The following WHAMM variants were observed in gnomAD, a reference collection of about 807,000 sequenced individuals.
The protein encoded by WHAMM is WASP homolog associated with actin, golgi membranes and microtubules.
A neutral mutation model predicts 76.5 loss-of-function variants in WHAMM; 67 were observed. The ratio of observed to expected loss-of-function variants is 0.88; its 90% confidence interval spans 0.72 to 1.07. The LOEUF is 1.07. Ranked by LOEUF, WHAMM falls within the 50% of genes least tolerant of loss-of-function variation. WHAMM has a pLI of 0.00. For synonymous variants in WHAMM, 419 were observed against 422.1 expected, an observed-to-expected ratio of 0.99 and a Z score of 0.09; for missense variants, 1,021 against 1,051.1, an observed-to-expected ratio of 0.97 and a Z score of 0.40.
In WHAMM at chr15:82,830,934, C is replaced by T; in HGVS notation, c.1977C>T (p.Leu659=). Residue 659 remains leucine, a synonymous_variant, in exon 9 of 10, where the codon CTC becomes CTT. Transcript: ENST00000286760. ...CACCGCCGCCCCCACCCCCTCCTCTCCGTGCTCTGTCCTCATCCTCTCAAG... is the reference window on the plus strand; with the variant it reads ...CACCGCCGCCCCCACCCCCTCCTCTTCGTGCTCTGTCCTCATCCTCTCAAG... The part of the protein sequence containing the change: ...PPPPPPPPPP[L]RALSSSSQAA... The T allele has an allele frequency of 2.6e-6, 4 of 1,539,562 alleles. No homozygotes were observed. The highest frequency in any genetic ancestry group is 1.1e-5 in the South Asian group (1 of 89,344).
At chr15:82,831,582 C>CT (rs2151574577) in intron 9 of WHAMM, among the ~76,000 whole-genome samples, 1 of 152,274 alleles carries the variant, frequency 6.6e-6, no homozygotes, top group East Asian at 1.9e-4. Flanking sequence ...ACTGAGGACC[C>CT]TTACTATTGG....
rs1351247772 is a variant in WHAMM at position 82,835,820 on chromosome 15, TC to T, written c.*2288del. On this transcript the variant is annotated 3_prime_UTR_variant, in exon 10 of 10. Transcript: ENST00000286760. ...CCAGTGGCTGTGGCCCAGGCCTCCTTCCCCACCACAGACAGGCCAGGCTCAG... is the reference window on the plus strand; with the variant it reads ...CCAGTGGCTGTGGCCCAGGCCTCCTTCCCACCACAGACAGGCCAGGCTCAG... 1 of 152,166 alleles carries T rather than the reference TC, an allele frequency of 6.6e-6. No homozygotes were observed. The highest frequency in any genetic ancestry group is 1.5e-5 in the Non-Finnish European group (1 of 68,030). The allele number at this position is 152,166 out of a possible 1,614,324, so 9.4% of individuals were successfully genotyped here.
intron 4 of WHAMM, 59 bp from the exon 5 acceptor site, chr15:82,819,264 G>A (rs575915649): frequency 3.1e-5 from 21 of 679,462 alleles, no homozygotes; most frequent in Middle Eastern, 4.7e-4. Context: ...TGCTTCTAAA[G>A]TTTGTTTTTA....
Position 82,833,366 on chromosome 15 carries a change from A to C in WHAMM, c.2260A>C (p.Lys754Gln). The C allele has an allele frequency of 6.2e-7, 1 of 1,614,026 alleles. No individual in the cohort carries two copies. Among genetic ancestry groups the C allele is most frequent in the Non-Finnish European group, 8.5e-7 (1 of 1,179,884 alleles). Residue 754 changes from lysine to glutamine, a missense_variant, in exon 10 of 10, where the codon AAG becomes CAG. Lys to Gln is a moderately conservative substitution (Grantham distance 53). Around this residue, in one of 3 missense-constraint regions of WHAMM, gnomAD observed 509 missense variants for 492.3 expected, o/e 1.03. Transcript: ENST00000286760. ...TGCCATAAGGCAAGGGGTCAAACTG[A>C]AGAAAGTTCACCCTGATCTTGGCCC... ...LAAIRQGVKL[K>Q]KVHPDLGPNP... is the part of the protein sequence containing the mutation.
intron 5 of WHAMM, among the ~76,000 whole-genome samples, chr15:82,820,285 T>A (rs1221709531): frequency 6.6e-6 from 1 of 152,192 alleles, no homozygotes; most frequent in Non-Finnish European, 1.5e-5. Flanking sequence ...TCTATTTCAG[T>A]GAATAATAAA....
At chr15:82,821,267 A>G (rs933797698) in intron 5 of WHAMM, among the ~76,000 whole-genome samples, 27 of 152,076 alleles carry the variant, frequency 1.8e-4, no homozygotes, top group African/African-American at 5.3e-4. Flanking sequence ...ACGTTTATCA[A>G]TTTTTTTCCC....
At chr15:82,829,580 T>C (rs2050993674) in intron 8 of WHAMM, among the ~76,000 whole-genome samples, 1 of 152,184 alleles carries the variant, frequency 6.6e-6, no homozygotes, top group African/African-American at 2.4e-5. Flanking sequence ...CTTGTCGCCA[T>C]GACATTGCTA....
Position 82,834,467 on chromosome 15 carries a change from A to G in WHAMM, c.*931A>G, listed in dbSNP as rs1398992758. ...AGTGTCGCTGGCCTAAGAGAAGAGC[A>G]CTTATTTCTCACCATGGCTGATCTA... On this transcript the variant is annotated 3_prime_UTR_variant, in exon 10 of 10. Coordinates refer to ENST00000286760, the MANE Select transcript of WHAMM (RefSeq NM_001080435.3). 2.0e-5 allele frequency: 3 copies of G among 152,662 alleles called. No individual in the cohort carries two copies. Among genetic ancestry groups the G allele is most frequent in the Non-Finnish European group, 4.4e-5 (3 of 68,054 alleles). 9.5% of individuals were successfully genotyped at this position (152,662 alleles called of 1,614,324 possible). A position where few individuals can be genotyped will look rare whatever the true frequency, so the allele number is the denominator to read the frequency against.
intron 3 of WHAMM, 32 bp downstream of exon 3, chr15:82,816,874 C>T: frequency 6.5e-7 from 1 of 1,534,212 alleles, no homozygotes; most frequent in South Asian, 1.2e-5. Context: ...TATGAAGATA[C>T]ATGTAATTGA....
intron 3 of WHAMM, among the ~76,000 whole-genome samples, 160 bp downstream of exon 3, chr15:82,817,002 A>G (rs2050738289): frequency 6.6e-6 from 1 of 152,172 alleles, no homozygotes; most frequent in Non-Finnish European, 1.5e-5. Flanking sequence ...GTGAAGGGAG[A>G]GAAATCTTAA....
chr15:82,832,336 T>TA (rs2051044238), intron 9 of WHAMM, among the ~76,000 whole-genome samples: 1 of 152,206 alleles, frequency 6.6e-6, no homozygotes, highest in Non-Finnish European at 1.5e-5. Context: ...AAAATAGCCT[T>TA]TTGTTAGCCA....
intron 9 of WHAMM, 120 bp from the exon 10 acceptor site, chr15:82,833,104 ATGAAG>A: frequency 3.5e-6 from 4 of 1,136,338 alleles, no homozygotes; most frequent in Non-Finnish European, 4.9e-6. Context: ...CATTTGCTTA[ATGAAG>A]TGATTATTTG....
chr15:82,812,164 G>A (rs890030041), intron 1 of WHAMM, among the ~76,000 whole-genome samples: 17 of 151,342 alleles, frequency 1.1e-4, no homozygotes, highest in African/African-American at 3.9e-4. Flanking sequence ...TATTAATCTG[G>A]GGCATTAAGA....
chr15:82,810,505 A>T, intron 1 of WHAMM, 170 bp downstream of exon 1: 4 of 985,414 alleles, frequency 4.1e-6, no homozygotes, highest in Non-Finnish European at 3.6e-6. Context: ...CGCTGCGGGA[A>T]ACCGGCGGGA....
In WHAMM at chr15:82,815,155, A is replaced by ATATATATATAT. The variant is rs55807384; in HGVS notation, c.784-1537_784-1536insTATATATATAT. ...TATATATATATATATATATATATAT[A>ATATATATATAT]GTACAATTCAGTGATTTTTAGTATA... On this transcript the variant is annotated intron_variant, in intron 2 of 9. Transcript: ENST00000286760. Among the ~76,000 whole-genome samples, 83 of 46,112 alleles carry ATATATATATAT rather than the reference A, an allele frequency of 1.8e-3. 1 individual carries two copies. The highest frequency in any genetic ancestry group is 2.1e-3 in the Non-Finnish European group (53 of 25,246). 30.3% of individuals were successfully genotyped at this position (46,112 alleles called of 152,430 possible).
At chr15:82,817,331 G>A (rs2050742856) in intron 3 of WHAMM, among the ~76,000 whole-genome samples, 2 of 152,206 alleles carry the variant, frequency 1.3e-5, no homozygotes, top group African/African-American at 4.8e-5. Flanking sequence ...TGTGGTATGA[G>A]GGAAAATGCT....
chr15:82,829,963 T>G (rs910923394), intron 8 of WHAMM, among the ~76,000 whole-genome samples: 2 of 152,210 alleles, frequency 1.3e-5, no homozygotes, highest in African/African-American at 4.8e-5. Context: ...ACTTTTTCAA[T>G]TTACATTTTT....
chr15:82,835,778 A>C lies in WHAMM; in HGVS notation c.*2242A>C, dbSNP rs559925571. 3.9e-5 allele frequency: 6 copies of C among 152,444 alleles called. No homozygotes were observed. Among genetic ancestry groups the C allele is most frequent in the African/African-American group, 1.2e-4 (5 of 41,594 alleles). 9.4% of individuals were successfully genotyped at this position (152,444 alleles called of 1,614,324 possible). A position where few individuals can be genotyped will look rare whatever the true frequency, so the allele number is the denominator to read the frequency against. On this transcript the variant is annotated 3_prime_UTR_variant, in exon 10 of 10. Coordinates refer to ENST00000286760, the MANE Select transcript of WHAMM (RefSeq NM_001080435.3). ...GGGCTACTCGCTGGGCATCAGGTCCAGATCCCAGAGACAGGTCCAGTGGCT... is the reference window on the plus strand; with the variant it reads ...GGGCTACTCGCTGGGCATCAGGTCCCGATCCCAGAGACAGGTCCAGTGGCT...
chr15:82,819,554 T>C, intron 5 of WHAMM, 66 bp downstream of exon 5: 1 of 852,764 alleles, frequency 1.2e-6, no homozygotes, highest in Non-Finnish European at 1.7e-6. Flanking sequence ...GACCATATTA[T>C]CAATTACTTT....
Sources: gnomAD v4.1 joint callset for allele counts (sites outside exome capture counted in the v4.1 genomes callset) on GRCh38, gnomAD v4.1.1 for gene constraint, gnomAD v4.1.1 regional missense constraint, MANE v1.5 for transcripts, NCBI Gene and HGNC (gene_info 2026-07-23, HGNC 2026-07-21) for gene names.